OR51B5: variants seen among roughly 807,000 people sequenced by gnomAD.
The protein encoded by OR51B5 is olfactory receptor 51B5.
For synonymous variants in OR51B5, 186 were observed against 144.8 expected (o/e 1.28, Z -2.04); for missense variants, 456 against 374.6 (o/e 1.22, Z -1.79).
At chr11:5,441,261 G>A (rs764879258) in intron 1 of OR51B5, 4 of 1,613,984 alleles carry the variant, frequency 2.5e-6, no homozygotes, top group Non-Finnish European at 2.5e-6. Flanking sequence ...GCAGAAAGTA[G>A]AAATCACAGT....
chr11:5,454,346 G>A, intron 1 of OR51B5: 1 of 1,613,994 alleles, frequency 6.2e-7, no homozygotes, highest in Non-Finnish European at 8.5e-7. Context: ...TGCCTCCTGT[G>A]CTCAACCCTC....
chr11:5,412,826 G>GGCCT (rs1850170955), intron 1 of OR51B5, among the ~76,000 whole-genome samples: 1 of 152,006 alleles, frequency 6.6e-6, no homozygotes, highest in Non-Finnish European at 1.5e-5. Flanking sequence ...AGCTCAAGGA[G>GGCCT]GCCTGCCTGC....
chr11:5,370,803 T>G (rs753199196), intron 1 of OR51B5, among the ~76,000 whole-genome samples: 7 of 152,100 alleles, frequency 4.6e-5, no homozygotes, highest in Non-Finnish European at 8.8e-5. Flanking sequence ...AAGAAAAAAT[T>G]TGATGCAATA....
At chr11:5,474,690 T>G (rs552594282) in intron 1 of OR51B5, among the ~76,000 whole-genome samples, 1 of 152,192 alleles carries the variant, frequency 6.6e-6, no homozygotes, top group African/African-American at 2.4e-5. Flanking sequence ...CTATTTCTCA[T>G]TGGAAATTAA....
rs775039177 is a variant in OR51B5 at position 5,343,418 on chromosome 11, A to G, written c.107T>C (p.Ile36Thr). Residue 36 changes from isoleucine to threonine, a missense_variant, in exon 1 of 1, where the codon ATC becomes ACC. By Grantham distance (89) the Ile-to-Thr change is moderately conservative. Coordinates refer to ENST00000300773, the Ensembl canonical transcript of OR51B5. ...AAGGAGGGTGCCATTGCCAAAAAGG[A>G]TGGATATATACATGAACAAGAAAAA... 3 of 1,613,540 alleles carry G rather than the reference A, an allele frequency of 1.9e-6. No individual in the cohort carries two copies. The Admixed American group carries it at 5.0e-5, about 27-fold the overall frequency.
chr11:5,464,254 T>A (rs1420214863), intron 1 of OR51B5, among the ~76,000 whole-genome samples: 1 of 152,268 alleles, frequency 6.6e-6, no homozygotes, highest in Non-Finnish European at 1.5e-5. Context: ...TGGGTGATTT[T>A]AACACAAAAA....
At chr11:5,378,034 G>T (rs1215462235) in intron 1 of OR51B5, among the ~76,000 whole-genome samples, 2 of 152,134 alleles carry the variant, frequency 1.3e-5, no homozygotes, top group African/African-American at 4.8e-5. Context: ...CAAAGCTGGA[G>T]GCATCAGGCT....
At chr11:5,416,392 C>A (rs1447700784) in intron 1 of OR51B5, among the ~76,000 whole-genome samples, 1 of 152,098 alleles carries the variant, frequency 6.6e-6, no homozygotes, top group Non-Finnish European at 1.5e-5. Context: ...TCTCTCACCA[C>A]CCCTATTCAA....
intron 1 of OR51B5, among the ~76,000 whole-genome samples, chr11:5,445,061 A>G (rs1850740990): frequency 1.3e-5 from 2 of 152,108 alleles, no homozygotes; most frequent in African/African-American, 4.8e-5. Context: ...ATACAAATAT[A>G]CTCAGGCAAT....
chr11:5,458,850 T>C (rs934458754), intron 1 of OR51B5, among the ~76,000 whole-genome samples: 4 of 152,246 alleles, frequency 2.6e-5, no homozygotes, highest in Admixed American at 2.6e-4. Flanking sequence ...TAGGAGCCTA[T>C]AGGCAAAGAC....
downstream of OR51B5, chr11:5,341,498 T>A (rs1324397387): frequency 1.3e-5 from 2 of 152,192 alleles, no homozygotes; most frequent in Non-Finnish European, 2.9e-5. Context: ...ACTGAAGTAT[T>A]ATTTTTGCTC....
chr11:5,401,834 T>C (rs1339657078), intron 1 of OR51B5, among the ~76,000 whole-genome samples: 1 of 121,748 alleles, frequency 8.2e-6, no homozygotes, highest in Non-Finnish European at 1.8e-5. Context: ...CTATCATTCC[T>C]TCCTTCCCTC....
chr11:5,475,674 CTATGT>C (rs893564760), intron 1 of OR51B5, among the ~76,000 whole-genome samples: 8 of 152,140 alleles, frequency 5.3e-5, no homozygotes, highest in African/African-American at 1.9e-4. Flanking sequence ...TGCCTTTCTT[CTATGT>C]TATTATGTAA....
At chr11:5,347,180 C>T (rs1849006039), upstream of OR51B5, among the ~76,000 whole-genome samples, 3 of 152,156 alleles carry the variant, frequency 2.0e-5, no homozygotes, top group Admixed American at 2.0e-4. Flanking sequence ...TCTGGTATCA[C>T]CTCTGGGAGG....
intron 1 of OR51B5, among the ~76,000 whole-genome samples, chr11:5,404,179 G>A (rs544245802): frequency 4.5e-4 from 48 of 105,792 alleles, no homozygotes; most frequent in South Asian, 1.1e-3. Flanking sequence ...CGGGGAGGGC[G>A]GGGGGCGGAA....
chr11:5,459,937 T>G (rs1851022435), intron 1 of OR51B5, among the ~76,000 whole-genome samples: 1 of 152,188 alleles, frequency 6.6e-6, no homozygotes, highest in Non-Finnish European at 1.5e-5. Flanking sequence ...GTATGTTCAC[T>G]GCAGCACTAT....
chr11:5,400,768 G>T (rs933171243), intron 1 of OR51B5, among the ~76,000 whole-genome samples: 1 of 152,170 alleles, frequency 6.6e-6, no homozygotes, highest in African/African-American at 2.4e-5. Context: ...AGGACTCTGT[G>T]TTGCCTTGGT....
At chr11:5,370,513 ACTCT>A (rs370304810) in intron 1 of OR51B5, among the ~76,000 whole-genome samples, 180 of 151,238 alleles carry the variant, frequency 1.2e-3, no homozygotes, top group Middle Eastern at 3.4e-3. Context: ...TCTTTATCTC[ACTCT>A]CTTTCTTTCA....
At chr11:5,478,391 T>TA (rs1260271874) in intron 1 of OR51B5, among the ~76,000 whole-genome samples, 1 of 149,896 alleles carries the variant, frequency 6.7e-6, no homozygotes, top group Non-Finnish European at 1.5e-5. Context: ...CAAAAGTAGA[T>TA]AAAACCACAA....
Sources: gnomAD v4.1 joint callset for allele counts (sites outside exome capture counted in the v4.1 genomes callset) on GRCh38, gnomAD v4.1.1 for gene constraint, MANE v1.5 for transcripts, NCBI Gene and HGNC (gene_info 2026-07-23, HGNC 2026-07-21) for gene names.